GPC6: variants seen among roughly 807,000 people sequenced by gnomAD.
GPC6 encodes the protein glypican 6.
GPC6 carries 14 observed loss-of-function variants against 55.2 expected under a neutral mutation model. The observed-to-expected ratio is 0.25, with a 90% CI of 0.17 to 0.40. The LOEUF (loss-of-function observed/expected upper bound fraction) is 0.40. Ranked by LOEUF, GPC6 falls within the 10% of genes least tolerant of loss-of-function variation. The pLI, the probability that GPC6 is intolerant of heterozygous loss-of-function variation, is 1.00. For synonymous variants in GPC6, 278 were observed against 259.6 expected, an observed-to-expected ratio of 1.07 and a Z score of -0.68; for missense variants, 641 against 708.5, an observed-to-expected ratio of 0.90 and a Z score of 1.08.
chr13:93,306,081 A>G (rs1458859341), intron 1 of GPC6, among the ~76,000 whole-genome samples: 1 of 152,230 alleles, frequency 6.6e-6, no homozygotes, highest in East Asian at 1.9e-4. Flanking sequence ...CATGCTGTGT[A>G]TGACACATAA....
In GPC6 at chr13:93,555,864, C is replaced by T. The variant is rs1414562435; in HGVS notation, c.319+10443C>T. Among the ~76,000 whole-genome samples the T allele has an allele frequency of 3.3e-5, 5 of 152,206 alleles. No individual in the cohort carries two copies. The South Asian group carries it at 6.2e-4, about 19-fold the overall frequency. ...TCAGAAAGGATCTCCTGTTCTGAAG[C>T]GAGTGTTCTCTGCTCCACCACACTT... On this transcript the variant is annotated intron_variant, in intron 2 of 8. Transcript: ENST00000377047.
chr13:93,420,505 G>A (rs961211137), intron 1 of GPC6, among the ~76,000 whole-genome samples: 13 of 152,192 alleles, frequency 8.5e-5, no homozygotes, highest in African/African-American at 2.9e-4. Flanking sequence ...GGAATGAGGT[G>A]AGGTTGGAGA....
At chr13:94,080,760 C>G (rs1885069607) in intron 4 of GPC6, among the ~76,000 whole-genome samples, 1 of 152,132 alleles carries the variant, frequency 6.6e-6, no homozygotes. Context: ...TACAAAGCCA[C>G]TAATCCCACC....
intron 1 of GPC6, 89 bp from the exon 2 acceptor site, chr13:93,545,174 G>T: frequency 8.7e-7 from 1 of 1,145,710 alleles, no homozygotes; most frequent in East Asian, 2.4e-5. Context: ...AGCACCCTGA[G>T]ATTTGAGCAA....
intron 3 of GPC6, among the ~76,000 whole-genome samples, chr13:93,895,913 G>C (rs1239288558): frequency 2.0e-5 from 3 of 152,016 alleles, no homozygotes; most frequent in Non-Finnish European, 2.9e-5. Flanking sequence ...ATACAGCGGG[G>C]TTGGTTTAAG....
chr13:94,342,232 C>T (rs1878076171), intron 6 of GPC6, among the ~76,000 whole-genome samples: 1 of 152,128 alleles, frequency 6.6e-6, no homozygotes, highest in African/African-American at 2.4e-5. Context: ...AATTGCGTCC[C>T]CCAAAAAGAT....
intron 3 of GPC6, among the ~76,000 whole-genome samples, chr13:93,859,401 A>C (rs1477335679): frequency 6.6e-6 from 1 of 151,684 alleles, no homozygotes; most frequent in African/African-American, 2.4e-5. Flanking sequence ...TAACTGCTTT[A>C]TTACCAAGAA....
intron 5 of GPC6, among the ~76,000 whole-genome samples, chr13:94,300,177 C>G (rs138476346): frequency 5.3e-5 from 8 of 152,006 alleles, no homozygotes; most frequent in Non-Finnish European, 1.2e-4. Flanking sequence ...CCACAGGAGC[C>G]GAGACGGGAT....
chr13:93,799,325 A>T (rs1267274309), intron 2 of GPC6, among the ~76,000 whole-genome samples: 6 of 152,194 alleles, frequency 3.9e-5, no homozygotes, highest in Non-Finnish European at 8.8e-5. Context: ...GTGATTTATG[A>T]TATGTATCAG....
intron 3 of GPC6, among the ~76,000 whole-genome samples, chr13:93,881,316 T>A (rs1268148531): frequency 6.6e-6 from 1 of 152,104 alleles, no homozygotes; most frequent in Non-Finnish European, 1.5e-5. Flanking sequence ...CAATTAATAG[T>A]GGACAAAAGA....
chr13:93,253,624 C>A (rs552960005), intron 1 of GPC6, among the ~76,000 whole-genome samples: 6 of 152,004 alleles, frequency 3.9e-5, no homozygotes, highest in African/African-American at 1.5e-4. Flanking sequence ...GAAGAAAAAC[C>A]GAGTGCTCTG....
At chr13:94,286,935 A>G (rs1892548932) in intron 5 of GPC6, among the ~76,000 whole-genome samples, 1 of 152,220 alleles carries the variant, frequency 6.6e-6, no homozygotes, top group Admixed American at 6.5e-5. Context: ...TTTTAAGACT[A>G]TGGTGTAACT....
chr13:93,628,130 A>C (rs1879281892), intron 2 of GPC6, among the ~76,000 whole-genome samples: 2 of 152,224 alleles, frequency 1.3e-5, no homozygotes, highest in African/African-American at 4.8e-5. Flanking sequence ...TAGAAAATCA[A>C]GGGATTAAGT....
At position 93,985,506 on chromosome 13, in the gene GPC6, TAAAC is replaced by T. The variant is rs139276381; in HGVS notation, c.712-42207_712-42204del. The stretch of plus-strand genomic sequence containing the variant: ...GACACCACCTAGCTCTACAAAAATT[TAAAC>T]AAACAAACAAACAAAAAAACCAAAA... On this transcript the variant is annotated intron_variant, in intron 3 of 8. Coordinates refer to ENST00000377047, the MANE Select transcript of GPC6 (RefSeq NM_005708.5). Among the ~76,000 whole-genome samples the T allele has an allele frequency of 9.2e-3, 1,378 of 150,502 alleles. 22 individuals carry two copies. Among genetic ancestry groups the T allele is most frequent in the African/African-American group, 0.032 (1,296 of 40,962 alleles).
At chr13:93,459,518 G>C (rs1878601899) in intron 1 of GPC6, among the ~76,000 whole-genome samples, 2 of 151,918 alleles carry the variant, frequency 1.3e-5, no homozygotes, top group Non-Finnish European at 2.9e-5. Context: ...TGAAAACAAC[G>C]GACTTTAACA....
At chr13:93,606,461 A>C (rs1878243526) in intron 2 of GPC6, among the ~76,000 whole-genome samples, 1 of 152,226 alleles carries the variant, frequency 6.6e-6, no homozygotes, top group Non-Finnish European at 1.5e-5. Flanking sequence ...ATCATCAATT[A>C]GTTTTTAACT....
chr13:94,162,912 G>C (rs945149640), intron 4 of GPC6, among the ~76,000 whole-genome samples: 1 of 152,024 alleles, frequency 6.6e-6, no homozygotes, highest in African/African-American at 2.4e-5. Context: ...GACAATAAGG[G>C]TTACATGTTG....
intron 4 of GPC6, among the ~76,000 whole-genome samples, chr13:94,089,938 C>A (rs1218983034): frequency 6.6e-6 from 1 of 152,068 alleles, no homozygotes; most frequent in Non-Finnish European, 1.5e-5. Flanking sequence ...AAGACCAGCA[C>A]CCATAACCAT....
At chr13:93,457,704 G>GT (rs1353868373) in intron 1 of GPC6, among the ~76,000 whole-genome samples, 4 of 150,762 alleles carry the variant, frequency 2.7e-5, no homozygotes, top group African/African-American at 9.7e-5. Flanking sequence ...TGACTGAAAT[G>GT]TATCACATTC....
Sources: allele counts gnomAD v4.1 joint callset (sites outside exome capture counted in the v4.1 genomes callset), GRCh38; gene constraint gnomAD v4.1.1; transcripts MANE v1.5; gene names NCBI Gene and HGNC (gene_info 2026-07-23, HGNC 2026-07-21).